L3MBTL3: variants seen among roughly 807,000 people sequenced by gnomAD.
L3MBTL3 encodes L3MBTL histone methyl-lysine binding protein 3, also known as lethal(3)malignant brain tumor-like protein 3.
L3MBTL3 carries 27 observed loss-of-function variants against 102.3 expected under a neutral mutation model. The ratio of observed to expected loss-of-function variants is 0.26; its 90% CI spans 0.19 to 0.36. The LOEUF (loss-of-function observed/expected upper bound fraction) is 0.36, where lower values mean the gene tolerates loss of function less well. Ranked by LOEUF, L3MBTL3 falls within the 10% of genes least tolerant of loss-of-function variation. The pLI, the probability that L3MBTL3 is intolerant of heterozygous loss-of-function variation, is 1.00. For synonymous variants in L3MBTL3, 340 were observed against 320.9 expected (o/e 1.06, Z -0.64); for missense variants, 798 against 955.3 (o/e 0.84, Z 2.17).
intron 8 of L3MBTL3, among the ~76,000 whole-genome samples, chr6:130,056,817 A>G (rs1251264103): frequency 6.6e-6 from 1 of 152,008 alleles, no homozygotes; most frequent in African/African-American, 2.4e-5. Context: ...AGCCTGTTCC[A>G]GTCTCATCCC....
chr6:130,076,640 A>C (rs1782969176), intron 13 of L3MBTL3, among the ~76,000 whole-genome samples: 1 of 152,108 alleles, frequency 6.6e-6, no homozygotes, highest in Non-Finnish European at 1.5e-5. Flanking sequence ...AGAGTACAGC[A>C]ATCAGTGTTT....
At chr6:130,032,630 A>G (rs1330366585) in intron 2 of L3MBTL3, among the ~76,000 whole-genome samples, 4 of 152,254 alleles carry the variant, frequency 2.6e-5, no homozygotes, top group African/African-American at 7.2e-5. Flanking sequence ...TGTCTTCACC[A>G]TTACTCAATG....
chr6:130,096,212 C>T (rs769641297), intron 18 of L3MBTL3, among the ~76,000 whole-genome samples: 4 of 152,158 alleles, frequency 2.6e-5, no homozygotes, highest in African/African-American at 7.2e-5. Context: ...CTCTGGACCA[C>T]TCCCCTCTAA....
chr6:130,069,520 G>C (rs1347384608), intron 12 of L3MBTL3, among the ~76,000 whole-genome samples: 1 of 152,210 alleles, frequency 6.6e-6, no homozygotes, highest in Non-Finnish European at 1.5e-5. Flanking sequence ...TAGTAATAGT[G>C]TTAATGGGCC....
intron 14 of L3MBTL3, 122 bp downstream of exon 14, chr6:130,078,756 C>G: frequency 1.6e-6 from 1 of 626,700 alleles, no homozygotes; most frequent in Non-Finnish European, 2.9e-6. Flanking sequence ...TCTGTCACCA[C>G]TACTCAAAAC....
At chr6:130,056,491 G>C (rs1173244192) in intron 8 of L3MBTL3, among the ~76,000 whole-genome samples, 1 of 152,096 alleles carries the variant, frequency 6.6e-6, no homozygotes, top group East Asian at 1.9e-4. Context: ...TCAGTGCCGG[G>C]GTGCATTCTA....
At chr6:130,023,386 A>G (rs1039098762) in intron 2 of L3MBTL3, among the ~76,000 whole-genome samples, 2 of 152,200 alleles carry the variant, frequency 1.3e-5, no homozygotes, top group African/African-American at 4.8e-5. Flanking sequence ...AAGAACAGCT[A>G]TAGGAAGGTC....
At chr6:130,055,639 CCTCCCTCTCTCTCCCTCCCTCCCTCT>C (rs768013753) in intron 8 of L3MBTL3, among the ~76,000 whole-genome samples, 4,871 of 56,420 alleles carry the variant, frequency 0.086, 376 homozygotes, top group Non-Finnish European at 0.14. Flanking sequence ...TCCCTCCCTC[CCTCCCTCTCTCTCCCTCCCTCCCTCT>C]CTCTCCCTCC....
chr6:130,118,439 C>T (rs556603985), intron 19 of L3MBTL3, among the ~76,000 whole-genome samples: 5 of 152,264 alleles, frequency 3.3e-5, no homozygotes, highest in South Asian at 2.1e-4. Context: ...AGATTCTGCT[C>T]GCTCCAGTGG....
intron 10 of L3MBTL3, among the ~76,000 whole-genome samples, chr6:130,062,681 C>T (rs571469848): frequency 1.4e-3 from 214 of 151,626 alleles, no homozygotes; most frequent in Admixed American, 2.4e-3. Flanking sequence ...AGGCATGAGC[C>T]ACCACACCTG....
rs759577973 is a variant in L3MBTL3, at chr6:130,042,871, CA to C, written c.102+71del. 210 of 1,006,870 alleles carry C rather than the reference CA, an allele frequency of 2.1e-4. 1 individual carries two copies. The highest frequency in any genetic ancestry group is 3.0e-4 in the Non-Finnish European group (192 of 636,512). 62.4% of individuals were successfully genotyped at this position (1,006,870 alleles called of 1,614,324 possible). Reference sequence around the variant, plus strand: ...GCGTATGCTTACTTAAAATTGGATACATATGTGAAATAAAAATTAAAAGCAT... The same window carrying C: ...GCGTATGCTTACTTAAAATTGGATACTATGTGAAATAAAAATTAAAAGCAT... On this transcript the variant is annotated intron_variant, in intron 3 of 22. Transcript: ENST00000361794.
chr6:130,029,636 C>T (rs1779586327), intron 2 of L3MBTL3, among the ~76,000 whole-genome samples: 1 of 152,170 alleles, frequency 6.6e-6, no homozygotes, highest in African/African-American at 2.4e-5. Flanking sequence ...TTGTTCTTGA[C>T]TGCCCTGCTG....
intron 20 of L3MBTL3, among the ~76,000 whole-genome samples, chr6:130,132,460 G>A (rs1468357285): frequency 6.6e-6 from 1 of 152,156 alleles, no homozygotes; most frequent in African/African-American, 2.4e-5. Context: ...TGATTTCTGT[G>A]TCTTTCTGTA....
At chr6:130,062,788 A>AT (rs1170718117) in intron 10 of L3MBTL3, among the ~76,000 whole-genome samples, 1 of 143,834 alleles carries the variant, frequency 7.0e-6, no homozygotes, top group Non-Finnish European at 1.5e-5. Flanking sequence ...AGTGATCTTC[A>AT]TTTTTTCATT....
chr6:130,141,371 G>A lies in L3MBTL3; in HGVS notation c.*1618G>A, dbSNP rs943041779. 1 of 151,976 alleles carries A rather than the reference G, an allele frequency of 6.6e-6. No homozygotes were observed. Among genetic ancestry groups the A allele is most frequent in the Admixed American group, 6.5e-5 (1 of 15,270 alleles). The allele number at this position is 151,976 out of a possible 1,614,324, so 9.4% of individuals were successfully genotyped here. ...TGCTGTTTTTTCTTTTTTATGTTTT[G>A]TTCAGAATTTGTACATTCAAGTTGT... On this transcript the variant is annotated 3_prime_UTR_variant, in exon 23 of 23. Coordinates refer to ENST00000361794, the MANE Select transcript of L3MBTL3 (RefSeq NM_032438.4).
intron 18 of L3MBTL3, among the ~76,000 whole-genome samples, chr6:130,101,476 G>A (rs1784680651): frequency 1.3e-5 from 2 of 152,164 alleles, no homozygotes; most frequent in Non-Finnish European, 1.5e-5. Flanking sequence ...CAGGCCTTTG[G>A]CAGTTTCATT....
intron 2 of L3MBTL3, among the ~76,000 whole-genome samples, chr6:130,038,394 C>T (rs551602806): frequency 8.2e-4 from 125 of 152,032 alleles, no homozygotes; most frequent in African/African-American, 3.0e-3. Flanking sequence ...CAAGAAGATA[C>T]AGGAGCTCAC....
chr6:130,112,166 A>G (rs1012507114), intron 19 of L3MBTL3, among the ~76,000 whole-genome samples: 3 of 152,258 alleles, frequency 2.0e-5, no homozygotes, highest in Admixed American at 6.5e-5. Context: ...TCACGTCCCA[A>G]TGCTGTTGAC....
At position 130,139,759 on chromosome 6, in the gene L3MBTL3, G is replaced by A. The variant is rs147270987; in HGVS notation, c.*6G>A. 2,873 of 1,611,924 alleles carry A rather than the reference G, an allele frequency of 1.8e-3. 7 individuals carry two copies. The highest frequency in any genetic ancestry group is 2.2e-3 in the Non-Finnish European group (2,609 of 1,179,132). On this transcript the variant is annotated 3_prime_UTR_variant, in exon 23 of 23. Transcript: ENST00000361794. ...ATTCTCACAATGAACTTTGAAGATG[G>A]TGAATTCTGAATACCATCAGCATTC...
Sources: allele counts gnomAD v4.1 joint callset (sites outside exome capture counted in the v4.1 genomes callset), GRCh38; gene constraint gnomAD v4.1.1; transcripts MANE v1.5; gene names NCBI Gene and HGNC (gene_info 2026-07-23, HGNC 2026-07-21).